Variants in ARHGEF28 observed in about 807,000 individuals in gnomAD.
The protein encoded by ARHGEF28 is 190 kDa guanine nucleotide exchange factor.
Under a neutral mutation model 206.6 loss-of-function variants are expected in ARHGEF28, and 152 were observed. The ratio of observed to expected loss-of-function variants is 0.74; its 90% confidence interval spans 0.64 to 0.84. The LOEUF is 0.84. Among genes scored for constraint, ARHGEF28 ranks in the 40% least tolerant of loss-of-function variants. The pLI, the probability that ARHGEF28 is intolerant of heterozygous loss-of-function variation, is 0.00. For synonymous variants in ARHGEF28, 763 were observed against 776.4 expected, an observed-to-expected ratio of 0.98 and a Z score of 0.29; for missense variants, 2,028 against 2,073.2, an observed-to-expected ratio of 0.98 and a Z score of 0.42.
At chr5:73,765,605 C>T (rs976029399) in intron 4 of ARHGEF28, among the ~76,000 whole-genome samples, 1 of 152,152 alleles carries the variant, frequency 6.6e-6, no homozygotes, top group Non-Finnish European at 1.5e-5. Flanking sequence ...CATCGTAAGT[C>T]AAAGAGTATC....
At chr5:73,697,929 T>G (rs1748325455) in intron 2 of ARHGEF28, among the ~76,000 whole-genome samples, 2 of 152,206 alleles carry the variant, frequency 1.3e-5, no homozygotes, top group African/African-American at 4.8e-5. Context: ...TTAATTCACA[T>G]GACAGATTTT....
rs1235609763 is a variant in ARHGEF28 at position 73,780,738 on chromosome 5, T to C, written c.903T>C (p.Thr301=). 2 of 1,557,204 alleles carry C rather than the reference T, an allele frequency of 1.3e-6. No individual in the cohort carries two copies. The highest frequency in any genetic ancestry group is 1.9e-5 in the Admixed American group (1 of 51,688). Residue 301 remains threonine (T), a synonymous_variant, in exon 7 of 36, where the codon ACT becomes ACC. Coordinates refer to ENST00000513042, the MANE Select transcript of ARHGEF28 (RefSeq NM_001177693.2). ...RTAMPSSGAE[T]EEEIKNSVSS... ...CTATGCCCTCCAGCGGTGCAGAAAC[T>C]GAAGAAGGTACGCATGCTCCTTTCC...
intron 1 of ARHGEF28, among the ~76,000 whole-genome samples, chr5:73,669,211 T>C (rs1013034361): frequency 2.0e-5 from 3 of 152,210 alleles, no homozygotes; most frequent in Non-Finnish European, 4.4e-5. Flanking sequence ...TGTCACAAGC[T>C]GTGAAATAAG....
At chr5:73,677,150 T>C (rs1746749035) in intron 1 of ARHGEF28, among the ~76,000 whole-genome samples, 1 of 152,154 alleles carries the variant, frequency 6.6e-6, no homozygotes, top group Admixed American at 6.5e-5. Context: ...TAGAGAATGA[T>C]CGGGGAGGCA....
intron 29 of ARHGEF28, 128 bp downstream of exon 29, chr5:73,894,703 T>TA: frequency 8.7e-7 from 1 of 1,144,262 alleles, no homozygotes; most frequent in East Asian, 2.6e-5. Flanking sequence ...CTTACTCGGC[T>TA]GGAACTTATA....
chr5:73,885,368 G>T (rs1295890861), intron 24 of ARHGEF28, among the ~76,000 whole-genome samples: 1 of 152,108 alleles, frequency 6.6e-6, no homozygotes, highest in Non-Finnish European at 1.5e-5. Flanking sequence ...TCAGCGGAAG[G>T]ACTATGTGTC....
intron 9 of ARHGEF28, among the ~76,000 whole-genome samples, chr5:73,819,383 C>A (rs1339614406): frequency 6.6e-6 from 1 of 152,190 alleles, no homozygotes; most frequent in Non-Finnish European, 1.5e-5. Flanking sequence ...GATGGGAACC[C>A]CACCCAGACT....
rs540555350 is a variant in ARHGEF28 at position 73,700,899 on chromosome 5, C to T, written c.33+16015C>T. 3.9e-5 allele frequency among the ~76,000 whole-genome samples: 6 copies of T among 152,270 alleles called. No homozygotes were observed. The South Asian group carries it at 1.2e-3, about 32-fold the overall frequency. ...TGAAAACACTTCCCGTGAGTTGAGA[C>T]AAGAATATCCCAAGGGTTAGTGGAA... On this transcript the variant is annotated intron_variant, in intron 2 of 35. Transcript: ENST00000513042.
chr5:73,688,563 G>T (rs1747612005), intron 2 of ARHGEF28, among the ~76,000 whole-genome samples: 1 of 152,126 alleles, frequency 6.6e-6, no homozygotes, highest in Non-Finnish European at 1.5e-5. Context: ...TTTAAAGATT[G>T]TTTCTTCCAC....
At chr5:73,780,827 G>A in intron 7 of ARHGEF28, 82 bp downstream of exon 7, 1 of 1,465,680 alleles carries the variant, frequency 6.8e-7, no homozygotes, top group Non-Finnish European at 9.3e-7. Flanking sequence ...AGTGTGTGGT[G>A]AAGCCGGCCA....
At chr5:73,734,893 G>A (rs1376151777) in intron 2 of ARHGEF28, among the ~76,000 whole-genome samples, 1 of 152,130 alleles carries the variant, frequency 6.6e-6, no homozygotes. Context: ...TTTCAAATGA[G>A]TGCTTACTAC....
rs1007028423 is a variant in ARHGEF28, at chr5:73,870,001, A to G, written c.2426-68A>G. ...TATTTAGGGTGAGGAATCCATAGAC[A>G]AATATACGAAGGTATATTTGTGCTG... is the stretch of plus-strand genomic sequence containing the variant. On this transcript the variant is annotated intron_variant, in intron 20 of 35. Transcript: ENST00000513042. The G allele has an allele frequency of 5.8e-6, 9 of 1,542,406 alleles. No individual in the cohort carries two copies. In the African/African-American group the frequency reaches 1.1e-4, roughly 19 times the overall value.
rs9637820 is a variant in ARHGEF28 at position 73,852,469 on chromosome 5, A to G, written c.1748-181A>G. Among the ~76,000 whole-genome samples the G allele has an allele frequency of 0.14, 20,579 of 152,134 alleles. 1,978 individuals are homozygous for G. The highest frequency in any genetic ancestry group is 0.26 in the African/African-American group (10,621 of 41,460). On this transcript the variant is annotated intron_variant, in intron 13 of 35. Transcript: ENST00000513042. ...TTTCTCCCTACCCTCTTTAAATTAC[A>G]GAAAGTGATTTAAAAAAATCCAGAG... is the stretch of plus-strand genomic sequence containing the variant.
chr5:73,934,466 A>C (rs1226160273), intron 35 of ARHGEF28, among the ~76,000 whole-genome samples: 2 of 152,208 alleles, frequency 1.3e-5, no homozygotes, highest in African/African-American at 2.4e-5. Flanking sequence ...TTTAATAGCC[A>C]TTGATAATTA....
At chr5:73,836,168 G>T (rs1757620237) in intron 10 of ARHGEF28, among the ~76,000 whole-genome samples, 1 of 152,022 alleles carries the variant, frequency 6.6e-6, no homozygotes, top group South Asian at 2.1e-4. Flanking sequence ...TATACTCAGT[G>T]GTGGGATTGC....
At chr5:73,846,576 C>A in intron 12 of ARHGEF28, 101 bp downstream of exon 12, 1 of 1,102,404 alleles carries the variant, frequency 9.1e-7, no homozygotes, top group Non-Finnish European at 1.2e-6. Context: ...TTTATTCATA[C>A]ATATGAACTA....
At chr5:73,635,728 A>C (rs1743670417) in intron 1 of ARHGEF28, among the ~76,000 whole-genome samples, 1 of 152,208 alleles carries the variant, frequency 6.6e-6, no homozygotes, top group Non-Finnish European at 1.5e-5. Context: ...GGAGTTGTCA[A>C]CTTTGCAACT....
intron 9 of ARHGEF28, among the ~76,000 whole-genome samples, chr5:73,826,303 T>A (rs180758050): frequency 2.3e-4 from 35 of 152,290 alleles, no homozygotes; most frequent in Non-Finnish European, 4.7e-4. Context: ...CTCACCCTTT[T>A]TATGGTGGTT....
chr5:73,895,809 T>C (rs754524514), intron 29 of ARHGEF28, among the ~76,000 whole-genome samples: 18 of 152,226 alleles, frequency 1.2e-4, no homozygotes, highest in Non-Finnish European at 2.4e-4. Flanking sequence ...AACTATTAAC[T>C]GGCTCTTTGC....
Sources: allele counts gnomAD v4.1 joint callset (sites outside exome capture counted in the v4.1 genomes callset), GRCh38; gene constraint gnomAD v4.1.1; transcripts MANE v1.5; gene names NCBI Gene and HGNC (gene_info 2026-07-23, HGNC 2026-07-21).